The following ZNF254 variants were observed in gnomAD, a reference collection of about 807,000 sequenced individuals.
The protein encoded by ZNF254 is zinc finger protein 254.
A neutral mutation model predicts 12.4 loss-of-function variants in ZNF254; 10 were observed. That is an observed-to-expected ratio of 0.80 (90% CI 0.50 to 1.36). The LOEUF (loss-of-function observed/expected upper bound fraction) is 1.36, where lower values mean the gene tolerates loss of function less well. Among genes scored for constraint, ZNF254 ranks in the 40% most tolerant of loss-of-function variants. The pLI is 0.00. For synonymous variants in ZNF254, 305 were observed against 253.4 expected, an observed-to-expected ratio of 1.20 and a Z score of -1.93; for missense variants, 996 against 763.9, an observed-to-expected ratio of 1.30 and a Z score of -3.58.
In ZNF254 at chr19:24,112,609, A is replaced by G. The variant is rs1284581104; in HGVS notation, c.253+5966A>G. Among the ~76,000 whole-genome samples the G allele has an allele frequency of 2.0e-5, 3 of 150,962 alleles. No homozygotes were observed. In the East Asian group the frequency reaches 5.9e-4, roughly 30 times the overall value. On this transcript the variant is annotated intron_variant, in intron 3 of 3. Transcript: ENST00000357002. Reference sequence around the variant, plus strand: ...ATGGAATGTTCTTCCATTTGTTTGTATCCTCTTTTATTTCATTGAGCAGTG... The same window carrying G: ...ATGGAATGTTCTTCCATTTGTTTGTGTCCTCTTTTATTTCATTGAGCAGTG...
Position 24,075,227 on chromosome 19 carries a change from G to C in ZNF254, c.-94+28948G>C, listed in dbSNP as rs568683292. Reference sequence around the variant, plus strand: ...GTGATTCTCTTTTTTTGGGGGAGGGGGTCTCACATATTTTGAGTATTGCTG... The same window carrying C: ...GTGATTCTCTTTTTTTGGGGGAGGGCGTCTCACATATTTTGAGTATTGCTG... On this transcript the variant is annotated intron_variant, in intron 2 of 4. Coordinates refer to the ZNF254 transcript ENST00000613065. Among the ~76,000 whole-genome samples the C allele has an allele frequency of 3.3e-5, 5 of 152,146 alleles. No individual in the cohort carries two copies. In the South Asian group the frequency reaches 1.0e-3, roughly 32 times the overall value.
chr19:24,078,519 A>C (rs1025626794), intron 2 of ZNF254: 1 of 152,230 alleles, frequency 6.6e-6, no homozygotes, highest in Non-Finnish European at 1.5e-5. Flanking sequence ...ATATATATTC[A>C]GGGCAACTTA....
chr19:24,058,112 G>A (rs1461655504), intron 2 of ZNF254, among the ~76,000 whole-genome samples: 3 of 152,134 alleles, frequency 2.0e-5, no homozygotes, highest in African/African-American at 7.2e-5. Flanking sequence ...CCCAGGTAAT[G>A]TGAGTCTCCT....
chr19:24,050,339 C>T (rs11881789), intron 2 of ZNF254, among the ~76,000 whole-genome samples: 24,204 of 151,874 alleles, frequency 0.16, 2,103 homozygotes, highest in Middle Eastern at 0.23. Context: ...TTTGTGTTTT[C>T]AGTAGAGACA....
At position 24,126,680 on chromosome 19, in the gene ZNF254, A is replaced by G; in HGVS notation, c.680A>G (p.Asn227Ser). 2.5e-6 allele frequency: 4 copies of G among 1,613,162 alleles called. No individual in the cohort carries two copies. Among genetic ancestry groups the G allele is most frequent in the Non-Finnish European group, 2.5e-6 (3 of 1,179,670 alleles). Residue 227 changes from asparagine (N) to serine (S), a missense_variant, in exon 4 of 4, where the codon AAT (asparagine) becomes AGT (serine). Asn to Ser is a conservative substitution (Grantham distance 46). Transcript: ENST00000357002. Reference protein sequence around the residue: ...KTFNWSSTLTNHRKIYTEEKP... With the variant: ...KTFNWSSTLTSHRKIYTEEKP... ...TTTAATTGGTCCTCAACCCTTACTA[A>G]TCATAGGAAAATTTATACTGAAGAG...
chr19:24,042,220 A>C (rs544340709), intron 1 of ZNF254, among the ~76,000 whole-genome samples: 17 of 152,244 alleles, frequency 1.1e-4, no homozygotes, highest in African/African-American at 3.4e-4. Context: ...GAAACTCTAT[A>C]TCTAACTAAT....
intron 2 of ZNF254, among the ~76,000 whole-genome samples, chr19:24,075,533 G>A (rs1487058605): frequency 6.6e-6 from 1 of 152,164 alleles, no homozygotes; most frequent in African/African-American, 2.4e-5. Context: ...GGGAGGGAGT[G>A]TACGAATAGG....
Position 24,093,145 on chromosome 19 carries a change from C to CT in ZNF254, c.30+5816dup, listed in dbSNP as rs539431951. On this transcript the variant is annotated intron_variant, in intron 1 of 3. Coordinates refer to ENST00000357002, the MANE Select transcript of ZNF254 (RefSeq NM_203282.4). Reference sequence around the variant, plus strand: ...TTTTTTGTCTGCTTTTTAGTGAGGTCTTTTTTTTCTTGTAAACTTAAGATT... The same window carrying CT: ...TTTTTTGTCTGCTTTTTAGTGAGGTCTTTTTTTTTCTTGTAAACTTAAGATT... Among the ~76,000 whole-genome samples the CT allele has an allele frequency of 2.2e-3, 334 of 151,762 alleles. 1 individual carries two copies. The highest frequency in any genetic ancestry group is 0.021 in the Middle Eastern group (6 of 292).
chr19:24,075,782 T>G (rs566259371), intron 2 of ZNF254, among the ~76,000 whole-genome samples: 8 of 152,322 alleles, frequency 5.3e-5, no homozygotes, highest in Non-Finnish European at 1.0e-4. Flanking sequence ...CTGGGGGCGC[T>G]GCAGGAGACC....
chr19:24,072,435 G>C (rs1016906466), intron 2 of ZNF254, among the ~76,000 whole-genome samples: 3 of 152,138 alleles, frequency 2.0e-5, no homozygotes, highest in Non-Finnish European at 4.4e-5. Context: ...GCCTCCCAAA[G>C]TGCTGATATT....
At chr19:24,046,595 G>A (rs1362192692) in intron 2 of ZNF254, among the ~76,000 whole-genome samples, 3 of 151,710 alleles carry the variant, frequency 2.0e-5, no homozygotes, top group Non-Finnish European at 2.9e-5. Context: ...CATTAACTAG[G>A]TTAAGTCAAT....
intron 1 of ZNF254, among the ~76,000 whole-genome samples, 180 bp downstream of exon 1, chr19:24,087,517 C>T (rs968881450): frequency 1.3e-5 from 2 of 152,158 alleles, no homozygotes; most frequent in African/African-American, 2.4e-5. Flanking sequence ...CCCAGGAGTC[C>T]TGTTTCTTCC....
intron 2 of ZNF254, among the ~76,000 whole-genome samples, chr19:24,059,083 A>G (rs1272958718): frequency 1.3e-5 from 2 of 152,246 alleles, no homozygotes; most frequent in Non-Finnish European, 2.9e-5. Flanking sequence ...TAATGACGTT[A>G]TTCTTTTGCC....
chr19:24,085,794 C>G (rs1022623243), upstream of ZNF254, among the ~76,000 whole-genome samples: 5 of 151,500 alleles, frequency 3.3e-5, no homozygotes, highest in African/African-American at 1.2e-4. Flanking sequence ...AGTGTATAAA[C>G]AAAAGCAAAA....
chr19:24,036,164 C>G lies in ZNF254; in HGVS notation c.-190+2543C>G, dbSNP rs146002572. On this transcript the variant is annotated intron_variant, in intron 1 of 4. Transcript: ENST00000613065. ...GCGAGCTCCGCCTCCTGGGTTCACACCTTTCTCCTGCCTCAGCCTCTCCGA... is the reference window on the plus strand; with the variant it reads ...GCGAGCTCCGCCTCCTGGGTTCACAGCTTTCTCCTGCCTCAGCCTCTCCGA... Among the ~76,000 whole-genome samples the G allele has an allele frequency of 2.3e-3, 353 of 152,256 alleles. 5 individuals are homozygous for G. Among genetic ancestry groups the G allele is most frequent in the Admixed American group, 5.4e-3 (83 of 15,284 alleles).
intron 1 of ZNF254, among the ~76,000 whole-genome samples, chr19:24,089,878 A>G (rs1972260678): frequency 1.3e-5 from 2 of 151,936 alleles, no homozygotes; most frequent in South Asian, 4.2e-4. Flanking sequence ...AAAAATTTCT[A>G]GAAAACAAAA....
At chr19:24,043,779 G>C (rs1480785067) in intron 1 of ZNF254, among the ~76,000 whole-genome samples, 3 of 152,116 alleles carry the variant, frequency 2.0e-5, no homozygotes, top group Admixed American at 2.0e-4. Flanking sequence ...ATTTCTGTGG[G>C]TGTGTGCATA....
chr19:24,087,183 C>G, upstream of ZNF254: 1 of 1,257,828 alleles, frequency 8.0e-7, no homozygotes, highest in Non-Finnish European at 1.1e-6. Flanking sequence ...CGGGATATGG[C>G]GGGGCCTTTG....
At chr19:24,124,760 T>G (rs1974713874) in intron 3 of ZNF254, among the ~76,000 whole-genome samples, 1 of 151,798 alleles carries the variant, frequency 6.6e-6, no homozygotes, top group Admixed American at 6.6e-5. Flanking sequence ...GGCACATCAC[T>G]TTTTTTCTTT....
Sources: allele counts gnomAD v4.1 joint callset (sites outside exome capture counted in the v4.1 genomes callset), GRCh38; gene constraint gnomAD v4.1.1; transcripts MANE v1.5; gene names NCBI Gene and HGNC (gene_info 2026-07-23, HGNC 2026-07-21).